Variants in DCHS2 observed in about 807,000 individuals in gnomAD.
DCHS2 encodes the protein protocadherin-23.
A neutral mutation model predicts 182.4 loss-of-function variants in DCHS2; 142 were observed. The ratio of observed to expected loss-of-function variants is 0.78; its 90% CI spans 0.68 to 0.89. The LOEUF (loss-of-function observed/expected upper bound fraction) is 0.89. DCHS2 is among the 40% of genes least tolerant of loss of function. DCHS2 has a pLI of 0.00. For synonymous variants in DCHS2, 1,740 were observed against 1,663.3 expected (o/e 1.05, Z -1.12); for missense variants, 4,319 against 4,198.6 (o/e 1.03, Z -0.79).
intron 1 of DCHS2, among the ~76,000 whole-genome samples, chr4:154,482,732 T>C (rs933778732): frequency 3.9e-5 from 6 of 152,192 alleles, no homozygotes; most frequent in Admixed American, 3.9e-4. Flanking sequence ...GTTGGATGGA[T>C]GGATAGATGG....
intron 1 of DCHS2, among the ~76,000 whole-genome samples, chr4:154,435,864 G>A (rs1226815102): frequency 6.6e-6 from 1 of 152,188 alleles, no homozygotes; most frequent in Non-Finnish European, 1.5e-5. Flanking sequence ...TTGAGTCTGA[G>A]CTTGATGAGA....
chr4:154,395,199 A>C (rs561614366), intron 1 of DCHS2, among the ~76,000 whole-genome samples: 1 of 152,206 alleles, frequency 6.6e-6, no homozygotes, highest in Non-Finnish European at 1.5e-5. Context: ...TAATAACATC[A>C]TTAAGTATGA....
Position 154,245,225 on chromosome 4 carries a change from G to A in DCHS2, c.6942-2453C>T, listed in dbSNP as rs1033289272. Among the ~76,000 whole-genome samples, 5 of 152,164 alleles carry A rather than the reference G, an allele frequency of 3.3e-5. No homozygotes were observed. In the East Asian group the frequency reaches 5.8e-4, roughly 18 times the overall value. The stretch of plus-strand genomic sequence containing the variant: ...TCAAGCCATCTATGATGGCTCTTTC[G>A]CAGTTGTGAAACTGTTGGTTGTAGC... On this transcript the variant is annotated intron_variant, in intron 16 of 19. Coordinates refer to ENST00000357232, the MANE Select transcript of DCHS2 (RefSeq NM_001358235.2).
intron 1 of DCHS2, among the ~76,000 whole-genome samples, chr4:154,422,360 C>T (rs949386198): frequency 2.0e-5 from 3 of 152,198 alleles, no homozygotes; most frequent in African/African-American, 7.2e-5. Context: ...ATGAACTCAT[C>T]AAGACATACT....
intron 1 of DCHS2, among the ~76,000 whole-genome samples, chr4:154,420,493 G>A (rs1170971111): frequency 1.3e-5 from 2 of 152,142 alleles, no homozygotes; most frequent in African/African-American, 4.8e-5. Flanking sequence ...GTAACTCTCA[G>A]TCCAAAGCCA....
chr4:154,321,025 G>T lies in DCHS2; in HGVS notation c.4374C>A (p.Thr1458=). 6.2e-7 allele frequency: 1 copy of T among 1,613,680 alleles called. No individual in the cohort carries two copies. Among genetic ancestry groups the T allele is most frequent in the South Asian group, 1.1e-5 (1 of 90,994 alleles). ...KDGHFEIDSS[T]GDLFLSKELD... is the part of the protein sequence containing the mutation. ...GTTCCTTAGAAAGAAACAAGTCTCCGGTTGAGCTGTCTATTTCAAAGTGTC... is the reference window on the plus strand; with the variant it reads ...GTTCCTTAGAAAGAAACAAGTCTCCTGTTGAGCTGTCTATTTCAAAGTGTC... Residue 1458 remains threonine (T), a synonymous_variant, in exon 9 of 20, where the codon ACC becomes ACA. Transcript: ENST00000357232.
rs747399422 is a variant in DCHS2 at position 154,343,418 on chromosome 4, A to C, written c.2477-8314T>G. On this transcript the variant is annotated intron_variant, in intron 3 of 19. Coordinates refer to ENST00000357232, the MANE Select transcript of DCHS2 (RefSeq NM_001358235.2). Reference sequence around the variant, plus strand: ...AAAGTCCTAGATGGCATCTTATTTCATATAAGGCTGTTTCATCTACATTGA... The same window carrying C: ...AAAGTCCTAGATGGCATCTTATTTCCTATAAGGCTGTTTCATCTACATTGA... 7.5e-6 allele frequency: 10 copies of C among 1,327,488 alleles called. No individual in the cohort carries two copies. The African/African-American group carries it at 1.3e-4, about 18-fold the overall frequency. The allele number at this position is 1,327,488 out of a possible 1,614,324, so 82.2% of individuals were successfully genotyped here. A position where few individuals can be genotyped will look rare whatever the true frequency, so the allele number is the denominator to read the frequency against.
chr4:154,353,319 G>A (rs1437274864), intron 3 of DCHS2, among the ~76,000 whole-genome samples: 1 of 151,576 alleles, frequency 6.6e-6, no homozygotes, highest in African/African-American at 2.4e-5. Flanking sequence ...CAAAAAATCA[G>A]GAAATATGTC....
chr4:154,273,978 A>T (rs1440114861), intron 13 of DCHS2, among the ~76,000 whole-genome samples: 1 of 152,158 alleles, frequency 6.6e-6, no homozygotes, highest in Non-Finnish European at 1.5e-5. Flanking sequence ...AGTAAGAGGA[A>T]ACATCTAAAA....
intron 16 of DCHS2, among the ~76,000 whole-genome samples, chr4:154,254,199 A>G (rs1287657079): frequency 1.3e-5 from 2 of 152,224 alleles, no homozygotes; most frequent in Non-Finnish European, 2.9e-5. Context: ...TATCTAAAGC[A>G]TACTAAAATG....
In DCHS2 at chr4:154,297,871, A is replaced by G. The variant is rs555315938; in HGVS notation, c.6443T>C (p.Val2148Ala). 6.2e-7 allele frequency: 1 copy of G among 1,610,112 alleles called. No homozygotes were observed. The highest frequency in any genetic ancestry group is 2.2e-5 in the East Asian group (1 of 44,768). ...CTCACCTGCCTCACAATTTTCAGTC[A>G]CGAGCCCTTTATACAGGTGGTGGCT... ...SFSHHLYKGL[V>A]TENCEAGTSI... The change falls in exon 13 of 20, where the codon GTG becomes GCG. Residue 2148 changes from valine to alanine, a missense_variant. Transcript: ENST00000357232.
In DCHS2 at chr4:154,356,264, G is replaced by A. The variant is rs28813411; in HGVS notation, c.2476+9946C>T. 3.9e-3 allele frequency among the ~76,000 whole-genome samples: 585 copies of A among 151,908 alleles called. 6 individuals are homozygous for A. The highest frequency in any genetic ancestry group is 0.014 in the African/African-American group (568 of 41,466). ...AACAAAGAAAAGCTTATACAATAAGGATACAAAGAAAGAAAATATGGTTGT... is the reference window on the plus strand; with the variant it reads ...AACAAAGAAAAGCTTATACAATAAGAATACAAAGAAAGAAAATATGGTTGT... On this transcript the variant is annotated intron_variant, in intron 3 of 19. Transcript: ENST00000357232.
At chr4:154,302,932 CG>C (rs2111294465) in intron 12 of DCHS2, among the ~76,000 whole-genome samples, 1 of 93,908 alleles carries the variant, frequency 1.1e-5, no homozygotes, top group Non-Finnish European at 2.0e-5. Flanking sequence ...AATAGATATA[CG>C]TATACACACA....
Position 154,321,018 on chromosome 4 carries a change from A to G in DCHS2, c.4381T>C (p.Leu1461=). The G allele has an allele frequency of 6.2e-7, 1 of 1,613,936 alleles. No individual in the cohort carries two copies. The highest frequency in any genetic ancestry group is 8.5e-7 in the Non-Finnish European group (1 of 1,179,918). The change falls in exon 9 of 20, where the codon TTG becomes CTG. Residue 1461 remains leucine (L), a synonymous_variant. Transcript: ENST00000357232. ...TAATCAAGTTCCTTAGAAAGAAACA[A>G]GTCTCCGGTTGAGCTGTCTATTTCA... ...HFEIDSSTGD[L]FLSKELDYET...
chr4:154,412,944 C>A (rs1454601749), intron 1 of DCHS2, among the ~76,000 whole-genome samples: 1 of 151,654 alleles, frequency 6.6e-6, no homozygotes, highest in African/African-American at 2.4e-5. Context: ...TGTTGAAAAG[C>A]ACAGAAGTAA....
chr4:154,491,553 G>A lies in DCHS2; in HGVS notation c.-198C>T, dbSNP rs1288983756. ...CCTCTGCCTGCAGCTCACGCAGACA[G>A]GGAAGTAAGCTCTAGCTGCCTCTGC... On this transcript the variant is annotated 5_prime_UTR_variant, in exon 1 of 20. Transcript: ENST00000357232. The A allele has an allele frequency of 2.2e-6, 3 of 1,383,322 alleles. No homozygotes were observed. Among genetic ancestry groups the A allele is most frequent in the Non-Finnish European group, 1.9e-6 (2 of 1,075,382 alleles). The allele number at this position is 1,383,322 out of a possible 1,614,324, so 85.7% of individuals were successfully genotyped here. A position where few individuals can be genotyped will look rare whatever the true frequency, so the allele number is the denominator to read the frequency against.
intron 3 of DCHS2, among the ~76,000 whole-genome samples, chr4:154,356,653 A>G (rs1211383780): frequency 6.6e-6 from 1 of 152,202 alleles, no homozygotes; most frequent in African/African-American, 2.4e-5. Flanking sequence ...TACCATAGTG[A>G]AACAGTTGCC....
At chr4:154,466,532 G>T (rs916275115) in intron 1 of DCHS2, among the ~76,000 whole-genome samples, 1 of 152,120 alleles carries the variant, frequency 6.6e-6, no homozygotes, top group African/African-American at 2.4e-5. Flanking sequence ...TGCTGAAAAT[G>T]CAACCCTGAT....
intron 13 of DCHS2, among the ~76,000 whole-genome samples, chr4:154,286,453 C>G (rs1734402230): frequency 6.6e-6 from 1 of 151,888 alleles, no homozygotes; most frequent in African/African-American, 2.4e-5. Flanking sequence ...CAAAGAATTT[C>G]AAGATAACAC....
Sources: gnomAD v4.1 joint callset for allele counts (sites outside exome capture counted in the v4.1 genomes callset) on GRCh38, gnomAD v4.1.1 for gene constraint, MANE v1.5 for transcripts, NCBI Gene and HGNC (gene_info 2026-07-23, HGNC 2026-07-21) for gene names.